ARHGAP15: variants seen among roughly 807,000 people sequenced by gnomAD.
ARHGAP15 encodes rho GTPase-activating protein 15.
In ARHGAP15, 51 loss-of-function variants were observed where a neutral mutation model predicts 63.7. The observed-to-expected ratio is 0.80, with a 90% CI of 0.64 to 1.01. ARHGAP15 has a LOEUF of 1.01. Among genes scored for constraint, ARHGAP15 ranks in the 50% least tolerant of loss-of-function variants. The pLI, the probability that ARHGAP15 is intolerant of heterozygous loss-of-function variation, is 0.00. For synonymous variants in ARHGAP15, 191 were observed against 193.8 expected, an observed-to-expected ratio of 0.99 and a Z score of 0.12; for missense variants, 560 against 564.6, an observed-to-expected ratio of 0.99 and a Z score of 0.08.
chr2:143,605,673 G>A (rs1474683313), intron 11 of ARHGAP15, among the ~76,000 whole-genome samples: 1 of 151,634 alleles, frequency 6.6e-6, no homozygotes, highest in African/African-American at 2.4e-5. Context: ...TTCCAATGTA[G>A]GGAGACAGAA....
chr2:143,729,154 A>C (rs1200214038), intron 13 of ARHGAP15, among the ~76,000 whole-genome samples: 1 of 152,254 alleles, frequency 6.6e-6, no homozygotes, highest in Non-Finnish European at 1.5e-5. Context: ...GCCATTTGTT[A>C]GTATTGTTCT....
chr2:143,477,132 A>G (rs1193490245), intron 8 of ARHGAP15, among the ~76,000 whole-genome samples: 1 of 152,134 alleles, frequency 6.6e-6, no homozygotes, highest in African/African-American at 2.4e-5. Context: ...CTCTTGGGAA[A>G]GTATACAAGC....
intron 5 of ARHGAP15, among the ~76,000 whole-genome samples, chr2:143,235,789 A>G (rs771720467): frequency 6.6e-6 from 1 of 152,182 alleles, no homozygotes; most frequent in Non-Finnish European, 1.5e-5. Flanking sequence ...GAGAATCAGG[A>G]GTTGTCTGTT....
chr2:143,666,861 C>T (rs975990364), intron 12 of ARHGAP15, among the ~76,000 whole-genome samples: 70 of 149,094 alleles, frequency 4.7e-4, no homozygotes, highest in Non-Finnish European at 5.0e-4. Flanking sequence ...AAATCTAAAC[C>T]GCAATGAGAT....
intron 5 of ARHGAP15, among the ~76,000 whole-genome samples, chr2:143,232,768 A>G (rs1265392364): frequency 2.0e-5 from 3 of 152,156 alleles, no homozygotes; most frequent in Non-Finnish European, 2.9e-5. Context: ...ACCTATAGCT[A>G]TATACCTTAA....
chr2:143,666,444 T>C (rs1682191728), intron 12 of ARHGAP15, among the ~76,000 whole-genome samples: 1 of 151,878 alleles, frequency 6.6e-6, no homozygotes, highest in African/African-American at 2.4e-5. Context: ...CCTTAAACCT[T>C]AGACCTAAAA....
intron 10 of ARHGAP15, among the ~76,000 whole-genome samples, chr2:143,523,814 G>A (rs1273703397): frequency 1.3e-5 from 2 of 152,084 alleles, no homozygotes; most frequent in Non-Finnish European, 2.9e-5. Context: ...ATGATACCTA[G>A]AGATTTATTG....
At chr2:143,451,893 G>A (rs72853750) in intron 8 of ARHGAP15, among the ~76,000 whole-genome samples, 14,637 of 151,882 alleles carry the variant, frequency 0.096, 896 homozygotes, top group African/African-American at 0.17. Flanking sequence ...TCAGGGTGCC[G>A]AACTTTGCAC....
At chr2:143,140,703 T>A (rs2104988429) in intron 1 of ARHGAP15, among the ~76,000 whole-genome samples, 1 of 152,264 alleles carries the variant, frequency 6.6e-6, no homozygotes, top group South Asian at 2.1e-4. Flanking sequence ...TTTGTTTAAT[T>A]TTCCTTTGAG....
chr2:143,618,675 T>C (rs922390350), intron 11 of ARHGAP15, among the ~76,000 whole-genome samples: 3 of 152,220 alleles, frequency 2.0e-5, no homozygotes, highest in Non-Finnish European at 4.4e-5. Flanking sequence ...ACTTGGTTAC[T>C]CTTCTATTCT....
chr2:143,488,878 T>A (rs1692444933), intron 9 of ARHGAP15, among the ~76,000 whole-genome samples: 1 of 152,200 alleles, frequency 6.6e-6, no homozygotes, highest in South Asian at 2.1e-4. Flanking sequence ...GACCTTGCTT[T>A]AAATCAGAGT....
chr2:143,468,752 T>C (rs1313318689), intron 8 of ARHGAP15, among the ~76,000 whole-genome samples: 1 of 151,890 alleles, frequency 6.6e-6, no homozygotes, highest in East Asian at 1.9e-4. Flanking sequence ...CTATTTGAAT[T>C]GATTTCATAC....
intron 12 of ARHGAP15, among the ~76,000 whole-genome samples, chr2:143,655,411 TACTGCCAGAC>T (rs67495057): frequency 0.34 from 52,312 of 151,772 alleles, 10,241 homozygotes; most frequent in East Asian, 0.63. Flanking sequence ...CCCTGCTACA[TACTGCCAGAC>T]ACAGTGTGGT....
intron 11 of ARHGAP15, among the ~76,000 whole-genome samples, chr2:143,573,682 T>C (rs183916644): frequency 5.0e-4 from 76 of 152,298 alleles, no homozygotes; most frequent in African/African-American, 1.6e-3. Context: ...CCCTTTCTGT[T>C]TTACAAGTAT....
chr2:143,640,486 C>T (rs1049347114), intron 12 of ARHGAP15, among the ~76,000 whole-genome samples: 2 of 152,088 alleles, frequency 1.3e-5, no homozygotes, highest in African/African-American at 2.4e-5. Context: ...TTCTACATGT[C>T]GAAGAAGTAT....
chr2:143,666,373 A>G (rs904052037), intron 12 of ARHGAP15, among the ~76,000 whole-genome samples: 3 of 152,182 alleles, frequency 2.0e-5, no homozygotes, highest in Non-Finnish European at 4.4e-5. Context: ...CATATGTACA[A>G]AGCTGAAACT....
intron 12 of ARHGAP15, among the ~76,000 whole-genome samples, chr2:143,648,093 T>A (rs1165928000): frequency 6.6e-6 from 1 of 152,066 alleles, no homozygotes; most frequent in Non-Finnish European, 1.5e-5. Context: ...CTCTTAACCC[T>A]GGGCAAGGTT....
intron 13 of ARHGAP15, chr2:143,703,736 A>G: frequency 2.2e-6 from 1 of 455,740 alleles, no homozygotes; most frequent in Non-Finnish European, 3.8e-6. Context: ...CTTATTTTTC[A>G]AGGCCCTTTC....
At chr2:143,290,747 A>G (rs1682355113) in intron 6 of ARHGAP15, among the ~76,000 whole-genome samples, 1 of 152,128 alleles carries the variant, frequency 6.6e-6, no homozygotes. Flanking sequence ...TGTTTGGGGT[A>G]ATCATCAGAT....
Sources: gnomAD v4.1 joint callset for allele counts (sites outside exome capture counted in the v4.1 genomes callset) on GRCh38, gnomAD v4.1.1 for gene constraint, MANE v1.5 for transcripts, NCBI Gene and HGNC (gene_info 2026-07-23, HGNC 2026-07-21) for gene names.